EXOC1: variants seen among roughly 807,000 people sequenced by gnomAD.
EXOC1 encodes the protein SEC3-like 1.
In EXOC1, 67 loss-of-function variants were observed where a neutral mutation model predicts 107.7. The observed-to-expected ratio is 0.62, with a 90% confidence interval of 0.51 to 0.76. The LOEUF (loss-of-function observed/expected upper bound fraction) is 0.76, where lower values mean the gene tolerates loss of function less well. Ranked by LOEUF, EXOC1 falls within the 30% of genes least tolerant of loss-of-function variation. EXOC1 has a pLI of 0.00. For synonymous variants in EXOC1, 348 were observed against 353.5 expected (o/e 0.98, Z 0.17); for missense variants, 833 against 1,055.7 (o/e 0.79, Z 2.92).
chr4:55,896,225 C>T (rs1725185669), intron 15 of EXOC1, among the ~76,000 whole-genome samples: 1 of 152,218 alleles, frequency 6.6e-6, no homozygotes, highest in South Asian at 2.1e-4. Flanking sequence ...TCTTGGCTCA[C>T]TGCAACCTCT....
At chr4:55,869,218 T>A (rs1178037664) in intron 5 of EXOC1, among the ~76,000 whole-genome samples, 1 of 151,628 alleles carries the variant, frequency 6.6e-6, no homozygotes, top group African/African-American at 2.4e-5. Flanking sequence ...AAAAAAAAAT[T>A]AGCCAGACAT....
At chr4:55,864,453 CATT>C in intron 4 of EXOC1, 67 bp downstream of exon 4, 1 of 1,292,056 alleles carries the variant, frequency 7.7e-7, no homozygotes, top group Non-Finnish European at 1.1e-6. Flanking sequence ...AATTTGACAT[CATT>C]CAAATTAATT....
chr4:55,894,349 C>T (rs372788797), intron 15 of EXOC1, among the ~76,000 whole-genome samples: 2 of 151,048 alleles, frequency 1.3e-5, no homozygotes, highest in African/African-American at 2.4e-5. Flanking sequence ...AAAAATCTAC[C>T]GAATCACTGA....
At chr4:55,872,641 G>A (rs1722550057) in intron 8 of EXOC1, 1 of 223,930 alleles carries the variant, frequency 4.5e-6, no homozygotes, top group African/African-American at 2.3e-5. Context: ...AAAAAAAATT[G>A]GGGGAATATC....
intron 18 of EXOC1, among the ~76,000 whole-genome samples, chr4:55,902,936 C>T (rs781120760): frequency 1.6e-4 from 25 of 151,780 alleles, no homozygotes; most frequent in Middle Eastern, 3.2e-3. Flanking sequence ...ATCTCTTGTA[C>T]AGTAGCCACT....
intron 7 of EXOC1, 101 bp from the exon 8 acceptor site, chr4:55,871,748 T>A (rs1722462694): frequency 2.0e-6 from 2 of 1,010,920 alleles, no homozygotes; most frequent in East Asian, 4.9e-5. Context: ...CCCATAAAAC[T>A]TTTGGGTTCT....
intron 3 of EXOC1, among the ~76,000 whole-genome samples, chr4:55,862,351 T>C (rs1304804499): frequency 6.6e-6 from 1 of 152,062 alleles, no homozygotes; most frequent in Non-Finnish European, 1.5e-5. Flanking sequence ...GGCACCTTGG[T>C]GTGTGTATGC....
intron 5 of EXOC1, among the ~76,000 whole-genome samples, chr4:55,870,236 A>T (rs1485636432): frequency 6.6e-6 from 1 of 152,210 alleles, no homozygotes; most frequent in Non-Finnish European, 1.5e-5. Flanking sequence ...CACATAGGTG[A>T]TTATGCTTTT....
intron 16 of EXOC1, among the ~76,000 whole-genome samples, chr4:55,898,058 C>T (rs1235748792): frequency 6.6e-6 from 1 of 152,116 alleles, no homozygotes; most frequent in Non-Finnish European, 1.5e-5. Flanking sequence ...AGTTCAAGAC[C>T]AGCCTGGGCA....
At chr4:55,856,840 A>T (rs542692422) in intron 1 of EXOC1, among the ~76,000 whole-genome samples, 5 of 152,308 alleles carry the variant, frequency 3.3e-5, no homozygotes, top group Non-Finnish European at 7.3e-5. Context: ...GTATCATAAA[A>T]TTTACCCTTT....
At chr4:55,882,459 T>C (rs906029220) in intron 9 of EXOC1, among the ~76,000 whole-genome samples, 12 of 152,228 alleles carry the variant, frequency 7.9e-5, no homozygotes, top group Admixed American at 2.0e-4. Context: ...CTAAGTCATT[T>C]GAGTCCCACT....
intron 10 of EXOC1, among the ~76,000 whole-genome samples, chr4:55,887,803 T>C (rs971156337): frequency 6.6e-6 from 1 of 152,106 alleles, no homozygotes; most frequent in Non-Finnish European, 1.5e-5. Context: ...AGTGACACCT[T>C]AAGGCACCAG....
Position 55,890,363 on chromosome 4 carries a change from G to T in EXOC1, c.1516G>T (p.Ala506Ser). ...GNMSASDLDV[A>S]DRTKFDKIFE... Reference sequence around the variant, plus strand: ...CATGTCTGCCTCTGATCTCGATGTTGCTGACAGGACCAAATTTGATAAGGT... The same window carrying T: ...CATGTCTGCCTCTGATCTCGATGTTTCTGACAGGACCAAATTTGATAAGGT... Residue 506 changes from alanine to serine, a missense_variant, in exon 12 of 19, where the codon GCT (alanine) becomes TCT (serine). By Grantham distance (99) the Ala-to-Ser change is moderately conservative (BLOSUM62 1). This residue lies in a region of EXOC1 where 617 missense variants were observed against 701.3 expected (regional missense o/e 0.88). Transcript: ENST00000381295. 1 of 1,613,898 alleles carries T rather than the reference G, an allele frequency of 6.2e-7. No individual in the cohort carries two copies. Among genetic ancestry groups the T allele is most frequent in the African/African-American group, 1.3e-5 (1 of 74,996 alleles).
chr4:55,901,487 G>T (rs1353087650), intron 17 of EXOC1, among the ~76,000 whole-genome samples: 1 of 151,838 alleles, frequency 6.6e-6, no homozygotes, highest in African/African-American at 2.4e-5. Context: ...TATAAAAGAA[G>T]ACCTGGGAAT....
chr4:55,867,932 A>T (rs1311801693), intron 4 of EXOC1, among the ~76,000 whole-genome samples: 1 of 152,186 alleles, frequency 6.6e-6, no homozygotes, highest in African/African-American at 2.4e-5. Context: ...AGGAAAGCAA[A>T]TTGTTTTTGT....
Position 55,893,604 on chromosome 4 carries a change from G to A in EXOC1, c.1777G>A (p.Glu593Lys). Residue 593 changes from glutamate to lysine, a missense_variant, in exon 15 of 19, where the codon GAG becomes AAG. Around this residue, in one of 2 missense-constraint regions of EXOC1, gnomAD observed 617 missense variants for 701.3 expected, o/e 0.88. Coordinates refer to ENST00000381295, the MANE Select transcript of EXOC1 (RefSeq NM_001024924.2). ...MIKIFRCIEP[E>K]LNNLIALGDK... ...TAAAATATTTCGCTGCATTGAGCCAGAGCTGAACAACCTAATTGCATTAGG... is the reference window on the plus strand; with the variant it reads ...TAAAATATTTCGCTGCATTGAGCCAAAGCTGAACAACCTAATTGCATTAGG... 1 of 1,614,036 alleles carries A rather than the reference G, an allele frequency of 6.2e-7. No individual in the cohort carries two copies. The highest frequency in any genetic ancestry group is 8.5e-7 in the Non-Finnish European group (1 of 1,180,006).
chr4:55,855,615 TAGAG>T (rs1373994357), intron 1 of EXOC1, among the ~76,000 whole-genome samples: 1 of 152,248 alleles, frequency 6.6e-6, no homozygotes, highest in South Asian at 2.1e-4. Flanking sequence ...GGGGAAGTGT[TAGAG>T]AGGTAGAAAT....
At chr4:55,897,296 T>G (rs1222967401) in intron 16 of EXOC1, among the ~76,000 whole-genome samples, 5 of 151,982 alleles carry the variant, frequency 3.3e-5, no homozygotes, top group Admixed American at 3.3e-4. Flanking sequence ...CCTGCTAATT[T>G]TTTGTAGAAA....
intron 8 of EXOC1, chr4:55,877,185 T>C (rs1722978533): frequency 5.4e-5 from 53 of 984,762 alleles, no homozygotes; most frequent in Non-Finnish European, 6.3e-5. Context: ...TACACATTCA[T>C]AATTAGCTTT....
Sources: allele counts gnomAD v4.1 joint callset (sites outside exome capture counted in the v4.1 genomes callset), GRCh38; gene constraint gnomAD v4.1.1; regional missense constraint gnomAD v4.1.1; transcripts MANE v1.5; gene names NCBI Gene and HGNC (gene_info 2026-07-23, HGNC 2026-07-21).